AGAP1: variants seen among roughly 807,000 people sequenced by gnomAD.
AGAP1 encodes the protein arf-GAP with GTPase, ANK repeat and PH domain-containing protein 1.
A neutral mutation model predicts 105.3 loss-of-function variants in AGAP1; 29 were observed. The ratio of observed to expected loss-of-function variants is 0.28; its 90% CI spans 0.21 to 0.38. AGAP1 has a LOEUF of 0.38. AGAP1 is among the 10% of genes least tolerant of loss of function. AGAP1 has a pLI of 1.00. For missense variants in AGAP1, 998 were observed against 1,165.1 expected, an observed-to-expected ratio of 0.86 and a Z score of 2.09; for synonymous variants, 509 against 485.9, an observed-to-expected ratio of 1.05 and a Z score of -0.63.
Position 235,615,588 on chromosome 2 carries a change from A to C in AGAP1, c.164-93591A>C, listed in dbSNP as rs1295885511. Among the ~76,000 whole-genome samples the C allele has an allele frequency of 6.6e-6, 1 of 152,208 alleles. No individual in the cohort carries two copies. Among genetic ancestry groups the C allele is most frequent in the Non-Finnish European group, 1.5e-5 (1 of 68,028 alleles). On this transcript the variant is annotated intron_variant, in intron 1 of 17. Coordinates refer to ENST00000304032, the MANE Select transcript of AGAP1 (RefSeq NM_001037131.3). The surrounding 1 kb of genome is among the most constrained non-coding windows in gnomAD (Gnocchi z 5.0). ...TTTTAATGCCAAGAGAAAGTATTTT[A>C]AGGAAGTGGGGTCAGCTTTCCTCTG...
At position 235,988,651 on chromosome 2, in the gene AGAP1, G is replaced by C. The variant is rs2055424683; in HGVS notation, c.1645+20028G>C. On this transcript the variant is annotated intron_variant, in intron 13 of 17. Transcript: ENST00000304032. The surrounding 1 kb of genome is among the most constrained non-coding windows in gnomAD (Gnocchi z 4.7). ...CTTGCATTTTTCCTGTAACTTTCCA[G>C]TAATGAGGGGGCCCAGTGGGTAAAT... Among the ~76,000 whole-genome samples, 1 of 152,080 alleles carries C rather than the reference G, an allele frequency of 6.6e-6. No homozygotes were observed. Among genetic ancestry groups the C allele is most frequent in the Non-Finnish European group, 1.5e-5 (1 of 68,030 alleles).
intron 13 of AGAP1, among the ~76,000 whole-genome samples, chr2:236,015,971 T>C (rs377366167): frequency 6.6e-6 from 1 of 152,104 alleles, no homozygotes; most frequent in East Asian, 1.9e-4. Context: ...TATATCACCA[T>C]CCTCTTTTTT....
Position 236,095,495 on chromosome 2 carries a change from A to G in AGAP1, c.2115-24697A>G, listed in dbSNP as rs1001084387. The stretch of plus-strand genomic sequence containing the variant: ...GGAGTTTGAGACCAGCGTGGGCAAC[A>G]TAGTGAGATGCCATCTCTATAAAAT... On this transcript the variant is annotated intron_variant, in intron 16 of 17. Coordinates refer to ENST00000304032, the MANE Select transcript of AGAP1 (RefSeq NM_001037131.3). The surrounding 1 kb of genome is among the most constrained non-coding windows in gnomAD (Gnocchi z 4.1). 1.1e-4 allele frequency among the ~76,000 whole-genome samples: 16 copies of G among 152,182 alleles called. No individual in the cohort carries two copies. The highest frequency in any genetic ancestry group is 3.9e-4 in the African/African-American group (16 of 41,444).
intron 1 of AGAP1, among the ~76,000 whole-genome samples, chr2:235,591,361 A>AC (rs1242043775): frequency 5.9e-5 from 9 of 152,174 alleles, no homozygotes; most frequent in African/African-American, 2.2e-4. Context: ...AATTGACTGA[A>AC]CGAGGGGGAG....
At chr2:236,069,635 G>T (rs2058445958) in intron 16 of AGAP1, among the ~76,000 whole-genome samples, 1 of 151,464 alleles carries the variant, frequency 6.6e-6, no homozygotes, top group South Asian at 2.1e-4. Context: ...TGTTGGCCAG[G>T]CTGGTCTTGA....
chr2:235,524,611 A>T (rs908792102), intron 1 of AGAP1: 3 of 178,864 alleles, frequency 1.7e-5, no homozygotes, highest in African/African-American at 7.2e-5. Context: ...GCTCCCTCCT[A>T]TAAAGTAGGA....
rs1397706234 is a variant in AGAP1 at position 236,062,086 on chromosome 2, C to A, written c.2114+12805C>A. Among the ~76,000 whole-genome samples, 1 of 152,080 alleles carries A rather than the reference C, an allele frequency of 6.6e-6. No individual in the cohort carries two copies. ...ATGTGCACTGCAGCCAAATTCCTGC[C>A]CTGCGGACGGCCCACAGGGGAGCGA... On this transcript the variant is annotated intron_variant, in intron 16 of 17. Coordinates refer to ENST00000304032, the MANE Select transcript of AGAP1 (RefSeq NM_001037131.3). The surrounding 1 kb of genome is among the most constrained non-coding windows in gnomAD (Gnocchi z 4.2).
chr2:235,909,610 TAA>T (rs2051477953), intron 11 of AGAP1, among the ~76,000 whole-genome samples: 1 of 152,202 alleles, frequency 6.6e-6, no homozygotes, highest in African/African-American at 2.4e-5. Flanking sequence ...AGCCCTCCCA[TAA>T]ACACACACAC....
At chr2:235,533,335 G>A (rs1358345757) in intron 1 of AGAP1, among the ~76,000 whole-genome samples, 3 of 152,110 alleles carry the variant, frequency 2.0e-5, no homozygotes, top group Non-Finnish European at 4.4e-5. Context: ...GAAATCAAGC[G>A]GATTTTAATG....
intron 1 of AGAP1, among the ~76,000 whole-genome samples, chr2:235,669,226 C>T (rs113484248): frequency 9.5e-4 from 144 of 152,288 alleles, no homozygotes; most frequent in Non-Finnish European, 1.5e-3. Flanking sequence ...CCTGGAAGCC[C>T]ACTTGTTCCT....
rs1395929847 is a variant in AGAP1 at position 235,740,273 on chromosome 2, G to T, written c.311-690G>T. The stretch of plus-strand genomic sequence containing the variant: ...AGGTAGCACCAGGCCCCTCATGCCC[G>T]CACCCCCTCCTCATGGTCACCTCTG... On this transcript the variant is annotated intron_variant, in intron 3 of 17. Transcript: ENST00000304032. The surrounding 1 kb of genome is among the most constrained non-coding windows in gnomAD (Gnocchi z 5.7). Among the ~76,000 whole-genome samples, 1 of 151,882 alleles carries T rather than the reference G, an allele frequency of 6.6e-6. No homozygotes were observed. The highest frequency in any genetic ancestry group is 2.4e-5 in the African/African-American group (1 of 41,330).
chr2:235,945,363 C>T (rs896945278), intron 12 of AGAP1, among the ~76,000 whole-genome samples: 3 of 152,126 alleles, frequency 2.0e-5, no homozygotes, highest in Admixed American at 6.5e-5. Flanking sequence ...CTTGGCCTCC[C>T]AATAAAATTA....
intron 1 of AGAP1, among the ~76,000 whole-genome samples, chr2:235,520,857 A>C (rs1336881510): frequency 6.6e-6 from 1 of 152,150 alleles, no homozygotes; most frequent in Non-Finnish European, 1.5e-5. Flanking sequence ...TACATGGTGC[A>C]TTGCGGTGAA....
chr2:235,627,131 C>G (rs1946663251), intron 1 of AGAP1, among the ~76,000 whole-genome samples: 1 of 147,354 alleles, frequency 6.8e-6, no homozygotes, highest in Admixed American at 6.8e-5. Flanking sequence ...TTCAGTCTAT[C>G]TTATAAAGGG....
In AGAP1 at chr2:236,083,898, C is replaced by T. The variant is rs1418863840; in HGVS notation, c.2114+34617C>T. 2.6e-5 allele frequency among the ~76,000 whole-genome samples: 4 copies of T among 151,998 alleles called. No homozygotes were observed. Among genetic ancestry groups the T allele is most frequent in the Admixed American group, 1.3e-4 (2 of 15,268 alleles). ...GCATGTGCGTGTGTATGCACACACA[C>T]GTGCACACATACACACACAGGCACA... On this transcript the variant is annotated intron_variant, in intron 16 of 17. Coordinates refer to ENST00000304032, the MANE Select transcript of AGAP1 (RefSeq NM_001037131.3). The surrounding 1 kb of genome is among the most constrained non-coding windows in gnomAD (Gnocchi z 5.3).
intron 13 of AGAP1, among the ~76,000 whole-genome samples, chr2:236,022,976 C>A (rs1003454810): frequency 6.6e-6 from 1 of 152,074 alleles, no homozygotes; most frequent in Non-Finnish European, 1.5e-5. Flanking sequence ...AATATCTAAG[C>A]CACACGCCTA....
At position 235,994,807 on chromosome 2, in the gene AGAP1, C is replaced by G. The variant is rs535750183; in HGVS notation, c.1645+26184C>G. Among the ~76,000 whole-genome samples, 186 of 151,326 alleles carry G rather than the reference C, an allele frequency of 1.2e-3. No individual in the cohort carries two copies. The highest frequency in any genetic ancestry group is 2.2e-3 in the Non-Finnish European group (149 of 67,828). On this transcript the variant is annotated intron_variant, in intron 13 of 17. Coordinates refer to ENST00000304032, the MANE Select transcript of AGAP1 (RefSeq NM_001037131.3). The surrounding 1 kb of genome is among the most constrained non-coding windows in gnomAD (Gnocchi z 4.4). ...ATAGGCCGGGCCCAATGGCTCACAC[C>G]TGTAATCCTAGCACTTTGGGAGGCC...
At chr2:235,856,207 C>T (rs180783097) in intron 9 of AGAP1, among the ~76,000 whole-genome samples, 66 of 152,302 alleles carry the variant, frequency 4.3e-4, no homozygotes, top group Non-Finnish European at 7.3e-4. Context: ...CCACCGCACC[C>T]GGCCGAGAAT....
At chr2:235,829,950 C>T (rs1007158382) in intron 9 of AGAP1, among the ~76,000 whole-genome samples, 5 of 151,912 alleles carry the variant, frequency 3.3e-5, no homozygotes, top group Admixed American at 6.6e-5. Flanking sequence ...CTCTGGGGAC[C>T]GGCACATCTG....
Sources: allele counts gnomAD v4.1 joint callset (sites outside exome capture counted in the v4.1 genomes callset), GRCh38; gene constraint gnomAD v4.1.1; non-coding constraint Gnocchi (gnomAD v3.1); transcripts MANE v1.5; gene names NCBI Gene and HGNC (gene_info 2026-07-23, HGNC 2026-07-21).